Variants in FBXL17 observed in about 807,000 individuals in gnomAD.
The protein encoded by FBXL17 is F-box and leucine rich repeat protein 17.
Under a neutral mutation model 66.2 loss-of-function variants are expected in FBXL17, and 22 were observed. The ratio of observed to expected loss-of-function variants is 0.33; its 90% CI spans 0.24 to 0.47. FBXL17 has a LOEUF of 0.47. Ranked by LOEUF, FBXL17 falls within the 20% of genes least tolerant of loss-of-function variation. The pLI is 1.00. For missense variants in FBXL17, 878 were observed against 948.2 expected (o/e 0.93, Z 0.97); for synonymous variants, 474 against 400.5 (o/e 1.18, Z -2.19).
chr5:107,975,978 C>T (rs368408252), intron 7 of FBXL17, among the ~76,000 whole-genome samples: 7 of 151,670 alleles, frequency 4.6e-5, no homozygotes, highest in Admixed American at 3.3e-4. Context: ...CCTGACTCAG[C>T]CTCCTGAGTA....
chr5:108,049,524 G>T (rs60447697), intron 6 of FBXL17, among the ~76,000 whole-genome samples: 18,056 of 152,038 alleles, frequency 0.12, 1,351 homozygotes, highest in East Asian at 0.17. Flanking sequence ...ATCCTTTCCA[G>T]ACAAGCAAAT....
At chr5:108,097,139 TCTG>T (rs1749398944) in intron 6 of FBXL17, among the ~76,000 whole-genome samples, 2 of 152,062 alleles carry the variant, frequency 1.3e-5, no homozygotes, top group Admixed American at 1.3e-4. Context: ...TCTCAGAAGA[TCTG>T]CTGGTTTTAT....
At chr5:108,353,762 G>T (rs1747790403) in intron 3 of FBXL17, among the ~76,000 whole-genome samples, 1 of 151,892 alleles carries the variant, frequency 6.6e-6, no homozygotes. Context: ...AAGGGTAAGG[G>T]GAAAAAAAGA....
intron 4 of FBXL17, among the ~76,000 whole-genome samples, chr5:108,334,930 T>G (rs1332818994): frequency 2.0e-5 from 3 of 152,048 alleles, no homozygotes; most frequent in Non-Finnish European, 4.4e-5. Flanking sequence ...AATGGAAAAG[T>G]CCCCTAAAAC....
At position 108,243,507 on chromosome 5, in the gene FBXL17, T is replaced by A. The variant is rs188324638; in HGVS notation, c.1507-19279A>T. Among the ~76,000 whole-genome samples the A allele has an allele frequency of 1.9e-3, 288 of 152,276 alleles. 1 individual carries two copies. Among genetic ancestry groups the A allele is most frequent in the Middle Eastern group, 3.4e-3 (1 of 294 alleles). On this transcript the variant is annotated intron_variant, in intron 4 of 8. Transcript: ENST00000542267. ...CACTGAGATCAACAGGCAGGTGCAA[T>A]TTCTGTTTTACAAATGAAGAAAGAG... is the stretch of plus-strand genomic sequence containing the variant.
chr5:107,976,256 A>G (rs1284855262), intron 7 of FBXL17, among the ~76,000 whole-genome samples: 1 of 152,210 alleles, frequency 6.6e-6, no homozygotes, highest in Non-Finnish European at 1.5e-5. Context: ...GCAACTTTTC[A>G]TCTCATCCCT....
intron 6 of FBXL17, among the ~76,000 whole-genome samples, chr5:108,095,701 A>C (rs1303375660): frequency 6.6e-6 from 1 of 152,130 alleles, no homozygotes; most frequent in Non-Finnish European, 1.5e-5. Flanking sequence ...GAGACAATAA[A>C]TGGCAAATTT....
intron 6 of FBXL17, among the ~76,000 whole-genome samples, chr5:108,139,942 C>T (rs1302665287): frequency 1.3e-5 from 2 of 152,150 alleles, no homozygotes; most frequent in Non-Finnish European, 2.9e-5. Flanking sequence ...CTCTTATCTC[C>T]TTTGGCTCAG....
intron 8 of FBXL17, among the ~76,000 whole-genome samples, chr5:107,866,539 C>T (rs908736396): frequency 1.5e-4 from 23 of 152,284 alleles, no homozygotes; most frequent in African/African-American, 5.5e-4. Flanking sequence ...AGAGAAACTT[C>T]AGAGTTACAG....
intron 6 of FBXL17, among the ~76,000 whole-genome samples, chr5:108,119,684 T>C (rs1750407897): frequency 6.6e-6 from 1 of 152,216 alleles, no homozygotes; most frequent in African/African-American, 2.4e-5. Context: ...AACTTGTTAC[T>C]TTACTTAGAC....
At chr5:107,960,574 C>T (rs1357230080) in intron 7 of FBXL17, among the ~76,000 whole-genome samples, 1 of 152,162 alleles carries the variant, frequency 6.6e-6, no homozygotes, top group Admixed American at 6.6e-5. Context: ...ATAGATTCTA[C>T]ATATAAATGA....
intron 6 of FBXL17, among the ~76,000 whole-genome samples, chr5:108,185,809 A>G (rs980234656): frequency 6.6e-6 from 1 of 152,224 alleles, no homozygotes; most frequent in African/African-American, 2.4e-5. Flanking sequence ...ATATATCATT[A>G]CAAACTTACA....
In FBXL17 at chr5:108,038,190, G is replaced by C. The variant is rs111250291; in HGVS notation, c.1746-17189C>G. On this transcript the variant is annotated intron_variant, in intron 6 of 8. Coordinates refer to ENST00000542267, the MANE Select transcript of FBXL17 (RefSeq NM_001163315.3). ...CTAACTTGGATCCTAATTTGAATAA[G>C]TAAGCTGAAAAGGGCATTTTTTGAG... 1.0e-3 allele frequency among the ~76,000 whole-genome samples: 153 copies of C among 152,110 alleles called. 1 individual carries two copies. The highest frequency in any genetic ancestry group is 2.0e-3 in the Non-Finnish European group (133 of 67,976).
At chr5:107,981,676 T>C (rs1752835483) in intron 7 of FBXL17, among the ~76,000 whole-genome samples, 4 of 152,242 alleles carry the variant, frequency 2.6e-5, no homozygotes, top group Non-Finnish European at 5.9e-5. Flanking sequence ...AGTTTCTGTT[T>C]TAAAATCTAA....
intron 4 of FBXL17, among the ~76,000 whole-genome samples, chr5:108,262,094 T>TTTTA: frequency 1.3e-5 from 2 of 149,634 alleles, no homozygotes; most frequent in African/African-American, 5.0e-5. Flanking sequence ...TTATTTTTTT[T>TTTTA]GAGACAGAGT....
At chr5:107,946,332 C>T (rs4091222) in intron 7 of FBXL17, among the ~76,000 whole-genome samples, 97,147 of 112,484 alleles carry the variant, frequency 0.86, 42,119 homozygotes, top group Middle Eastern at 0.93. Context: ...TCTTGCTCTG[C>T]TGCCCAGGCT....
chr5:108,053,290 C>A (rs1432295821), intron 6 of FBXL17, among the ~76,000 whole-genome samples: 21 of 152,112 alleles, frequency 1.4e-4, no homozygotes, highest in Admixed American at 8.5e-4. Context: ...TTTTTGCAAT[C>A]TACCCAACTG....
At chr5:108,349,128 GA>G (rs1404793562) in intron 3 of FBXL17, among the ~76,000 whole-genome samples, 1 of 151,738 alleles carries the variant, frequency 6.6e-6, no homozygotes, top group East Asian at 1.9e-4. Flanking sequence ...TAATAGTGAG[GA>G]AAAAAATATA....
At chr5:107,902,076 G>A (rs963928718) in intron 7 of FBXL17, among the ~76,000 whole-genome samples, 1 of 152,184 alleles carries the variant, frequency 6.6e-6, no homozygotes, top group Non-Finnish European at 1.5e-5. Flanking sequence ...GGAACATCGT[G>A]AGAGCTAAAC....
Sources: allele counts gnomAD v4.1 joint callset (sites outside exome capture counted in the v4.1 genomes callset), GRCh38; gene constraint gnomAD v4.1.1; transcripts MANE v1.5; gene names NCBI Gene and HGNC (gene_info 2026-07-23, HGNC 2026-07-21).